SUSD6: variants seen among roughly 807,000 people sequenced by gnomAD.
The protein encoded by SUSD6 is sushi domain-containing protein 6.
Under a neutral mutation model 28.4 loss-of-function variants are expected in SUSD6, and 16 were observed. The ratio of observed to expected loss-of-function variants is 0.56; its 90% CI spans 0.38 to 0.86. The LOEUF (loss-of-function observed/expected upper bound fraction) is 0.86, where lower values mean the gene tolerates loss of function less well. Ranked by LOEUF, SUSD6 falls within the 40% of genes least tolerant of loss-of-function variation. The pLI, the probability that SUSD6 is intolerant of heterozygous loss-of-function variation, is 0.00. For synonymous variants in SUSD6, 147 were observed against 159.6 expected, an observed-to-expected ratio of 0.92 and a Z score of 0.59; for missense variants, 341 against 384.2, an observed-to-expected ratio of 0.89 and a Z score of 0.94.
chr14:69,629,414 A>G (rs1885162358), intron 1 of SUSD6, among the ~76,000 whole-genome samples: 5 of 152,098 alleles, frequency 3.3e-5, no homozygotes, highest in Admixed American at 1.3e-4. Context: ...GGCAGCTCCC[A>G]TATCAGTCAG....
Position 69,712,992 on chromosome 14 carries a change from TC to T in SUSD6, c.*2015del, listed in dbSNP as rs1333122883. 1.3e-5 allele frequency: 2 copies of T among 152,236 alleles called. No homozygotes were observed. The highest frequency in any genetic ancestry group is 4.8e-5 in the African/African-American group (2 of 41,426). 9.4% of individuals were successfully genotyped at this position (152,236 alleles called of 1,614,324 possible). A position where few individuals can be genotyped will look rare whatever the true frequency, so the allele number is the denominator to read the frequency against. Reference sequence around the variant, plus strand: ...CTCACCCACAGCAGTGCCCTTGTCTTCCTCCAAAACAGAAAGCAGTGACAAA... The same window carrying T: ...CTCACCCACAGCAGTGCCCTTGTCTTCTCCAAAACAGAAAGCAGTGACAAA... On this transcript the variant is annotated 3_prime_UTR_variant, in exon 6 of 6. Coordinates refer to ENST00000342745, the MANE Select transcript of SUSD6 (RefSeq NM_014734.4).
intron 1 of SUSD6, among the ~76,000 whole-genome samples, chr14:69,640,946 T>G (rs548423192): frequency 7.2e-5 from 11 of 152,346 alleles, no homozygotes; most frequent in Admixed American, 4.6e-4. Context: ...GTTTTTATCC[T>G]TTTTCAGTTT....
At chr14:69,677,418 A>G (rs2139628213) in intron 2 of SUSD6, among the ~76,000 whole-genome samples, 1 of 152,096 alleles carries the variant, frequency 6.6e-6, no homozygotes, top group Non-Finnish European at 1.5e-5. Context: ...GTGGTGGTGG[A>G]CGCCTGTAGT....
intron 1 of SUSD6, among the ~76,000 whole-genome samples, chr14:69,651,744 T>C (rs1885506665): frequency 6.6e-6 from 1 of 152,162 alleles, no homozygotes; most frequent in South Asian, 2.1e-4. Flanking sequence ...TGTTTAGATA[T>C]GTTTTGATAC....
chr14:69,633,933 G>T (rs532552283), intron 1 of SUSD6, among the ~76,000 whole-genome samples: 33 of 152,334 alleles, frequency 2.2e-4, no homozygotes, highest in Non-Finnish European at 4.1e-4. Flanking sequence ...GTAGGATTTT[G>T]GGTGGCCTGG....
At chr14:69,695,996 G>A (rs997972545) in intron 2 of SUSD6, among the ~76,000 whole-genome samples, 1 of 152,204 alleles carries the variant, frequency 6.6e-6, no homozygotes, top group Non-Finnish European at 1.5e-5. Context: ...CTTTGAAAAA[G>A]GCTGTTCATA....
intron 2 of SUSD6, among the ~76,000 whole-genome samples, chr14:69,683,052 A>G (rs1483550006): frequency 6.8e-6 from 1 of 147,742 alleles, no homozygotes; most frequent in Non-Finnish European, 1.5e-5. Context: ...CTGTTTAAAC[A>G]GGGTGCCCTT....
intron 1 of SUSD6, among the ~76,000 whole-genome samples, chr14:69,643,091 T>A (rs1885377497): frequency 6.6e-6 from 1 of 152,188 alleles, no homozygotes; most frequent in South Asian, 2.1e-4. Flanking sequence ...TAGGGCTCAC[T>A]GCGTTTTTTC....
chr14:69,660,495 G>T (rs1179239880), intron 2 of SUSD6, among the ~76,000 whole-genome samples: 1 of 152,178 alleles, frequency 6.6e-6, no homozygotes, highest in Non-Finnish European at 1.5e-5. Flanking sequence ...AGAAGACCAG[G>T]CTATACCAAT....
chr14:69,665,407 C>T (rs1481318231), intron 2 of SUSD6, among the ~76,000 whole-genome samples: 1 of 152,148 alleles, frequency 6.6e-6, no homozygotes, highest in East Asian at 1.9e-4. Context: ...CATCACCACA[C>T]CTGGCTAGTT....
chr14:69,709,689 T>A (rs1447685250), intron 5 of SUSD6, among the ~76,000 whole-genome samples: 1 of 152,230 alleles, frequency 6.6e-6, no homozygotes, highest in Non-Finnish European at 1.5e-5. Flanking sequence ...GAGCTGGGAT[T>A]TGAAGCCAGA....
At chr14:69,697,013 G>A (rs1196145959) in intron 2 of SUSD6, among the ~76,000 whole-genome samples, 3 of 152,206 alleles carry the variant, frequency 2.0e-5, no homozygotes, top group East Asian at 1.9e-4. Flanking sequence ...TTGATTATAT[G>A]CTAAACAAGA....
At chr14:69,683,554 A>C (rs1273186432) in intron 2 of SUSD6, among the ~76,000 whole-genome samples, 1 of 152,072 alleles carries the variant, frequency 6.6e-6, no homozygotes, top group Non-Finnish European at 1.5e-5. Flanking sequence ...ATGTTGAGGG[A>C]GAGGGAAAGG....
At chr14:69,698,869 C>G (rs1458209379) in intron 2 of SUSD6, among the ~76,000 whole-genome samples, 1 of 152,042 alleles carries the variant, frequency 6.6e-6, no homozygotes, top group Non-Finnish European at 1.5e-5. Context: ...ATTTTTTTTC[C>G]CCCTGTAAAA....
chr14:69,685,259 C>T (rs567352078), intron 2 of SUSD6, among the ~76,000 whole-genome samples: 108 of 152,348 alleles, frequency 7.1e-4, no homozygotes, highest in Non-Finnish European at 1.2e-3. Context: ...ACATTACCCA[C>T]ATGCATAGAG....
intron 1 of SUSD6, among the ~76,000 whole-genome samples, chr14:69,618,194 T>C (rs908289211): frequency 5.9e-5 from 9 of 152,220 alleles, no homozygotes; most frequent in African/African-American, 2.2e-4. Flanking sequence ...AGCACCCACA[T>C]GATGGAGAAT....
intron 2 of SUSD6, among the ~76,000 whole-genome samples, chr14:69,680,527 C>A (rs1214145449): frequency 2.0e-5 from 3 of 152,166 alleles, no homozygotes; most frequent in Admixed American, 2.0e-4. Context: ...GATGCTACTT[C>A]TCCTCTTAAA....
chr14:69,703,894 A>G (rs767539337), intron 3 of SUSD6: 31 of 462,526 alleles, frequency 6.7e-5, no homozygotes, highest in Non-Finnish European at 1.0e-4. Flanking sequence ...CTGCCCTCAC[A>G]GTGAGCACAA....
Position 69,687,164 on chromosome 14 carries a change from A to T in SUSD6, c.122-16231A>T, listed in dbSNP as rs556979192. Among the ~76,000 whole-genome samples the T allele has an allele frequency of 2.6e-5, 4 of 152,238 alleles. No homozygotes were observed. In the South Asian group the frequency reaches 8.3e-4, roughly 32 times the overall value. On this transcript the variant is annotated intron_variant, in intron 2 of 5. Transcript: ENST00000342745. ...TAATTTTTGTATTTTTAGTAGAGAC[A>T]GGGTTTTACCATATTGGTCAGGCTG...
Sources: allele counts gnomAD v4.1 joint callset (sites outside exome capture counted in the v4.1 genomes callset), GRCh38; gene constraint gnomAD v4.1.1; transcripts MANE v1.5; gene names NCBI Gene and HGNC (gene_info 2026-07-23, HGNC 2026-07-21).